The following TMEM218 variants were observed in gnomAD, a reference collection of about 807,000 sequenced individuals.
TMEM218 encodes the protein transmembrane protein 218.
Under a neutral mutation model 10.0 loss-of-function variants are expected in TMEM218, and 8 were observed. The observed-to-expected ratio is 0.80, with a 90% CI of 0.47 to 1.44. The LOEUF is 1.44. Among genes scored for constraint, TMEM218 ranks in the 40% most tolerant of loss-of-function variants. The pLI, the probability that TMEM218 is intolerant of heterozygous loss-of-function variation, is 0.00. For synonymous variants in TMEM218, 66 were observed against 63.5 expected (o/e 1.04, Z -0.18); for missense variants, 110 against 140.1 (o/e 0.79, Z 1.08).
At chr11:125,099,338 A>G (rs1264859178) in intron 4 of TMEM218, among the ~76,000 whole-genome samples, 1 of 152,222 alleles carries the variant, frequency 6.6e-6, no homozygotes, top group African/African-American at 2.4e-5. Context: ...TAATTAGCCA[A>G]TTAGCAGGCC....
At position 125,095,074 on chromosome 11, in the gene TMEM218, TAAC is replaced by T. The variant is rs1174538051; in HGVS notation, c.*2529_*2531del. Among the ~76,000 whole-genome samples the T allele has an allele frequency of 6.6e-6, 1 of 152,222 alleles. No homozygotes were observed. Among genetic ancestry groups the T allele is most frequent in the Admixed American group, 6.5e-5 (1 of 15,286 alleles). On this transcript the variant is annotated 3_prime_UTR_variant, in exon 5 of 5. Coordinates refer to ENST00000682305, the MANE Select transcript of TMEM218 (RefSeq NM_001258244.2). The stretch of plus-strand genomic sequence containing the variant: ...TTATCAGTGAAAAATTTAAGGAACT[TAAC>T]AAATTACCCATTGTGATCTCCATTG...
At chr11:125,105,932 A>G (rs1049303371) in intron 1 of TMEM218, among the ~76,000 whole-genome samples, 3 of 152,236 alleles carry the variant, frequency 2.0e-5, no homozygotes, top group African/African-American at 7.2e-5. Context: ...TTTGACTACT[A>G]AAAGAAATTC....
chr11:125,101,494 C>A (rs1234479783), intron 3 of TMEM218, 191 bp from the exon 4 acceptor site: 11 of 1,524,324 alleles, frequency 7.2e-6, no homozygotes. Flanking sequence ...TGGGTGCATT[C>A]CCATTTATTC....
chr11:125,110,222 T>C (rs1410331956), intron 1 of TMEM218, among the ~76,000 whole-genome samples: 1 of 152,248 alleles, frequency 6.6e-6, no homozygotes, highest in Non-Finnish European at 1.5e-5. Flanking sequence ...AACGGGTTCA[T>C]GCCATCATTA....
At chr11:125,100,967 G>C (rs929758177) in intron 4 of TMEM218, among the ~76,000 whole-genome samples, 1 of 152,160 alleles carries the variant, frequency 6.6e-6, no homozygotes, top group Non-Finnish European at 1.5e-5. Context: ...ACCAAATCAG[G>C]CAAATAACTG....
In TMEM218 at chr11:125,096,497, T is replaced by C. The variant is rs1949670179; in HGVS notation, c.*1109A>G. The C allele has an allele frequency of 6.6e-6, 1 of 152,148 alleles. No homozygotes were observed. Among genetic ancestry groups the C allele is most frequent in the East Asian group, 1.9e-4 (1 of 5,196 alleles). The allele number at this position is 152,148 out of a possible 1,614,324, so 9.4% of individuals were successfully genotyped here. On this transcript the variant is annotated 3_prime_UTR_variant, in exon 5 of 5. Transcript: ENST00000682305. The stretch of plus-strand genomic sequence containing the variant: ...CTGATCTCTTTAAGCTTCCATTTTT[T>C]CTACTTTAAAGTGGGGATGATAAAA...
At chr11:125,101,741 G>A (rs896069043) in intron 3 of TMEM218, 30 of 497,382 alleles carry the variant, frequency 6.0e-5, no homozygotes, top group Non-Finnish European at 9.7e-5. Flanking sequence ...TGAAGGCAAT[G>A]CCTGATATAG....
intron 1 of TMEM218, among the ~76,000 whole-genome samples, chr11:125,106,400 C>T (rs1952155404): frequency 6.6e-6 from 1 of 152,190 alleles, no homozygotes; most frequent in Non-Finnish European, 1.5e-5. Context: ...AAATGTGAAC[C>T]TAACAACAAA....
At chr11:125,111,079 C>T (rs1003427170) in intron 1 of TMEM218, among the ~76,000 whole-genome samples, 1 of 152,256 alleles carries the variant, frequency 6.6e-6, no homozygotes, top group Middle Eastern at 3.4e-3. Flanking sequence ...CCTTGCATCC[C>T]TCTCCTGGAC....
intron 4 of TMEM218, 147 bp downstream of exon 4, chr11:125,101,054 C>T (rs1490314628): frequency 1.6e-6 from 1 of 619,940 alleles, no homozygotes; most frequent in Non-Finnish European, 2.8e-6. Flanking sequence ...AAAACTCCCT[C>T]TGAACTTTCC....
In TMEM218 at chr11:125,107,117, T is replaced by A. The variant is rs1952362663; in HGVS notation, c.-152-4308A>T. On this transcript the variant is annotated intron_variant, in intron 1 of 4. Coordinates refer to ENST00000682305, the MANE Select transcript of TMEM218 (RefSeq NM_001258244.2). The stretch of plus-strand genomic sequence containing the variant: ...GGCTAAAGAGTTCATAGTATATGAG[T>A]CCATTTATATAATGTTCAAAACAGG... Among the ~76,000 whole-genome samples the A allele has an allele frequency of 3.3e-5, 5 of 152,264 alleles. 1 individual carries two copies. The South Asian group carries it at 1.0e-3, about 32-fold the overall frequency.
rs1419675038 is a variant in TMEM218 at position 125,094,744 on chromosome 11, CAG to C, written c.*2860_*2861del. Among the ~76,000 whole-genome samples, 2 of 152,072 alleles carry C rather than the reference CAG, an allele frequency of 1.3e-5. No individual in the cohort carries two copies. The highest frequency in any genetic ancestry group is 4.8e-5 in the African/African-American group (2 of 41,402). ...TGATACTAAAGTTTCTGTTAAATAA[CAG>C]AACAAAAAATGGATTGCTTTATGTT... On this transcript the variant is annotated 3_prime_UTR_variant, in exon 5 of 5. Coordinates refer to ENST00000682305, the MANE Select transcript of TMEM218 (RefSeq NM_001258244.2).
chr11:125,109,948 T>C (rs1395319040), intron 1 of TMEM218, among the ~76,000 whole-genome samples: 1 of 152,228 alleles, frequency 6.6e-6, no homozygotes, highest in Non-Finnish European at 1.5e-5. Flanking sequence ...ACATTGGATT[T>C]ATATATGGTA....
intron 1 of TMEM218, among the ~76,000 whole-genome samples, chr11:125,105,231 C>T (rs941510593): frequency 2.6e-5 from 4 of 152,112 alleles, no homozygotes; most frequent in Non-Finnish European, 5.9e-5. Flanking sequence ...TCAATACTAC[C>T]GATGTGATAT....
Position 125,102,479 on chromosome 11 carries a change from G to C in TMEM218, c.-76-162C>G, listed in dbSNP as rs1951038072. The C allele has an allele frequency of 3.4e-6, 5 of 1,475,824 alleles. 1 individual carries two copies. The South Asian group carries it at 6.7e-5, about 20-fold the overall frequency. 91.4% of individuals were successfully genotyped at this position (1,475,824 alleles called of 1,614,324 possible). On this transcript the variant is annotated intron_variant, in intron 2 of 4. Coordinates refer to ENST00000682305, the MANE Select transcript of TMEM218 (RefSeq NM_001258244.2). Reference sequence around the variant, plus strand: ...GGAAACTGGAAATTTAGAACCCAAAGCCTTTCTCTTTGGTGGGGACTGAGA... The same window carrying C: ...GGAAACTGGAAATTTAGAACCCAAACCCTTTCTCTTTGGTGGGGACTGAGA...
intron 1 of TMEM218, chr11:125,105,135 GGCTGAGT>G (rs1393883860): frequency 2.0e-5 from 3 of 152,202 alleles, no homozygotes; most frequent in Non-Finnish European, 4.4e-5. Flanking sequence ...GAAGGAAGCT[GGCTGAGT>G]GCTTCAGGCC....
In TMEM218 at chr11:125,102,249, G is replaced by C; in HGVS notation, c.-8C>G. 1.9e-6 allele frequency: 3 copies of C among 1,611,794 alleles called. No individual in the cohort carries two copies. The highest frequency in any genetic ancestry group is 2.5e-6 in the Non-Finnish European group (3 of 1,179,102). On this transcript the variant is annotated 5_prime_UTR_variant, in exon 3 of 5. Coordinates refer to ENST00000682305, the MANE Select transcript of TMEM218 (RefSeq NM_001258244.2). The stretch of plus-strand genomic sequence containing the variant: ...GAGCACAGTGCCAGCCATCCCGCGG[G>C]GAGGCAGCGGCGGCCCCCCGCCCTG...
chr11:125,101,320 A>C lies in TMEM218; in HGVS notation c.111-17T>G, dbSNP rs1950719605. ...ACAGAGAACCTGGGGTTAAAAAGAC[A>C]AATTATTAAAAGCACTGTCTATAAT... On this transcript the variant is annotated splice_polypyrimidine_tract_variant and intron_variant, in intron 3 of 4. Transcript: ENST00000682305. 1 of 1,606,588 alleles carries C rather than the reference A, an allele frequency of 6.2e-7. No individual in the cohort carries two copies. Among genetic ancestry groups the C allele is most frequent in the East Asian group, 2.2e-5 (1 of 44,752 alleles).
intron 1 of TMEM218, among the ~76,000 whole-genome samples, chr11:125,105,984 C>T (rs1952045684): frequency 6.6e-6 from 1 of 151,870 alleles, no homozygotes. Context: ...TACAAAAGCT[C>T]TACAGAAAGT....
Sources: gnomAD v4.1 joint callset for allele counts (sites outside exome capture counted in the v4.1 genomes callset) on GRCh38, gnomAD v4.1.1 for gene constraint, MANE v1.5 for transcripts, NCBI Gene and HGNC (gene_info 2026-07-23, HGNC 2026-07-21) for gene names.